The following FOXP4 variants were observed in gnomAD, a reference collection of about 807,000 sequenced individuals.
The protein encoded by FOXP4 is forkhead box protein P4.
A neutral mutation model predicts 82.6 loss-of-function variants in FOXP4; 25 were observed. The ratio of observed to expected loss-of-function variants is 0.30; its 90% CI spans 0.22 to 0.42. FOXP4 has a LOEUF of 0.42. Among genes scored for constraint, FOXP4 ranks in the 10% least tolerant of loss-of-function variants. FOXP4 has a pLI of 1.00. For synonymous variants in FOXP4, 415 were observed against 388.2 expected (o/e 1.07, Z -0.81); for missense variants, 785 against 900.9 (o/e 0.87, Z 1.65).
intron 2 of FOXP4, among the ~76,000 whole-genome samples, chr6:41,571,510 C>T (rs1376420946): frequency 6.6e-6 from 1 of 152,206 alleles, no homozygotes; most frequent in Admixed American, 6.5e-5. Context: ...GGAAGGCGTC[C>T]TGAAATCGGG....
chr6:41,584,514 A>G (rs1765982848), intron 3 of FOXP4, among the ~76,000 whole-genome samples: 1 of 152,364 alleles, frequency 6.6e-6, no homozygotes, highest in African/African-American at 2.4e-5. Context: ...TGTTTTAAGT[A>G]TTCACTGATT....
In FOXP4 at chr6:41,587,005, C is replaced by T; in HGVS notation, c.511-4C>T. 2 of 1,580,846 alleles carry T rather than the reference C, an allele frequency of 1.3e-6. No individual in the cohort carries two copies. Among genetic ancestry groups the T allele is most frequent in the South Asian group, 1.1e-5 (1 of 87,656 alleles). On this transcript the variant is annotated splice_polypyrimidine_tract_variant and splice_region_variant and intron_variant, in intron 5 of 16. Transcript: ENST00000307972. The stretch of plus-strand genomic sequence containing the variant: ...TCTGCCCGCCCCCTCGGGCCCCTCA[C>T]CAGGCACTGGGGAACAAGCAGCTGG...
At chr6:41,572,230 T>C (rs1018122920) in intron 2 of FOXP4, among the ~76,000 whole-genome samples, 3 of 152,164 alleles carry the variant, frequency 2.0e-5, no homozygotes, top group African/African-American at 7.2e-5. Flanking sequence ...CCACCTCAGA[T>C]ACTCTCCCTT....
At chr6:41,554,240 G>A (rs956931861) in intron 1 of FOXP4, among the ~76,000 whole-genome samples, 1 of 152,210 alleles carries the variant, frequency 6.6e-6, no homozygotes, top group Non-Finnish European at 1.5e-5. Context: ...TGGCCATAAG[G>A]GCTGAGGTCA....
chr6:41,549,181 C>T (rs1304991714), intron 1 of FOXP4, among the ~76,000 whole-genome samples: 1 of 152,102 alleles, frequency 6.6e-6, no homozygotes, highest in Non-Finnish European at 1.5e-5. Flanking sequence ...ACCATGGGAG[C>T]CTTCTCTCCT....
chr6:41,565,744 G>A lies in FOXP4; in HGVS notation c.-16-1G>A. On this transcript the variant is annotated splice_acceptor_variant, in intron 1 of 16. Coordinates refer to ENST00000307972, the MANE Select transcript of FOXP4 (RefSeq NM_001012426.2). LOFTEE classifies it low-confidence loss of function (5UTR_SPLICE). ...CCCCTGTGTCTCTCTTCCTCCTCCAGGTACCGCTAGAGCGACATGATGGTG... is the reference window on the plus strand; with the variant it reads ...CCCCTGTGTCTCTCTTCCTCCTCCAAGTACCGCTAGAGCGACATGATGGTG... 6.3e-7 allele frequency: 1 copy of A among 1,580,406 alleles called. No homozygotes were observed. Among genetic ancestry groups the A allele is most frequent in the Non-Finnish European group, 8.6e-7 (1 of 1,158,310 alleles).
chr6:41,555,217 C>T (rs1460581117), intron 1 of FOXP4, among the ~76,000 whole-genome samples: 1 of 152,074 alleles, frequency 6.6e-6, no homozygotes, highest in African/African-American at 2.4e-5. Flanking sequence ...CTACTGCACT[C>T]CAGTCTGAGC....
chr6:41,547,716 G>T (rs1275293917), intron 1 of FOXP4, among the ~76,000 whole-genome samples: 2 of 152,098 alleles, frequency 1.3e-5, no homozygotes, highest in Non-Finnish European at 2.9e-5. Flanking sequence ...AAGGGGGGAA[G>T]AGAGGGCGGC....
At position 41,546,605 on chromosome 6, in the gene FOXP4, G is replaced by A. The variant is rs989481671; in HGVS notation, c.-279G>A. On this transcript the variant is annotated 5_prime_UTR_variant, in exon 1 of 17. Coordinates refer to ENST00000307972, the MANE Select transcript of FOXP4 (RefSeq NM_001012426.2). ...GGGAGCCCGGGAGCCGGAGCGAGCT[G>A]ACGAGCGTCGCGGAAGGACCGGGAA... 9.8e-4 allele frequency: 145 copies of A among 148,530 alleles called. No individual in the cohort carries two copies. Among genetic ancestry groups the A allele is most frequent in the Admixed American group, 1.8e-3 (26 of 14,854 alleles). The allele number at this position is 148,530 out of a possible 1,614,324, so 9.2% of individuals were successfully genotyped here. A position where few individuals can be genotyped will look rare whatever the true frequency, so the allele number is the denominator to read the frequency against.
rs1369526923 is a variant in FOXP4, at chr6:41,591,022, G to A, written c.1435-199G>A. On this transcript the variant is annotated intron_variant, in intron 12 of 16. Transcript: ENST00000307972. This position sits in a 1 kb window ranked among gnomAD's most constrained non-coding sequence, Gnocchi z 4.2. ...GAGGCTCCTGCCCTCTTTATCCTTG[G>A]CCAAGCTATAACCAGCCTGTCCCTC... Among the ~76,000 whole-genome samples, 1 of 152,124 alleles carries A rather than the reference G, an allele frequency of 6.6e-6. No individual in the cohort carries two copies. The highest frequency in any genetic ancestry group is 1.5e-5 in the Non-Finnish European group (1 of 68,030).
Position 41,584,894 on chromosome 6 carries a change from G to A in FOXP4, c.423+3G>A. Reference sequence around the variant, plus strand: ...AGCAAGCCCTCATGCTCCAGCAGGTGAGTCTGGCCCCAGGGCAGCTGGTCC... The same window carrying A: ...AGCAAGCCCTCATGCTCCAGCAGGTAAGTCTGGCCCCAGGGCAGCTGGTCC... On this transcript the variant is annotated splice_donor_region_variant and intron_variant, in intron 4 of 16. Coordinates refer to ENST00000307972, the MANE Select transcript of FOXP4 (RefSeq NM_001012426.2). The A allele has an allele frequency of 6.2e-7, 1 of 1,608,574 alleles. No individual in the cohort carries two copies.
At chr6:41,579,014 A>G (rs781333926) in intron 3 of FOXP4, among the ~76,000 whole-genome samples, 1 of 151,842 alleles carries the variant, frequency 6.6e-6, no homozygotes, top group Non-Finnish European at 1.5e-5. Context: ...GGAAGTGAAG[A>G]GGAGGGTGGG....
At position 41,601,546 on chromosome 6, in the gene FOXP4, C is replaced by G. The variant is rs1451515797; in HGVS notation, c.*2610C>G. 2.6e-5 allele frequency: 4 copies of G among 152,272 alleles called. No homozygotes were observed. The highest frequency in any genetic ancestry group is 9.6e-5 in the African/African-American group (4 of 41,452). The allele number at this position is 152,272 out of a possible 1,614,324, so 9.4% of individuals were successfully genotyped here. On this transcript the variant is annotated 3_prime_UTR_variant, in exon 17 of 17. Transcript: ENST00000307972. ...GGAGTGCAGTGATGCTATCTCGGCT[C>G]ACTGCAACCTTTGCCTCCCAGGTTC...
chr6:41,594,731 G>C, intron 13 of FOXP4, 139 bp from the exon 14 acceptor site: 2 of 1,347,918 alleles, frequency 1.5e-6, no homozygotes, highest in South Asian at 2.7e-5. Flanking sequence ...TCTCCTCCCA[G>C]CCCACCCCCC....
intron 1 of FOXP4, among the ~76,000 whole-genome samples, chr6:41,554,009 T>C (rs1464763457): frequency 2.0e-5 from 3 of 149,854 alleles, no homozygotes; most frequent in Admixed American, 6.7e-5. Context: ...ACCTGGGAGG[T>C]TGTTGTGGCA....
chr6:41,573,054 C>T (rs1351705296), intron 2 of FOXP4, among the ~76,000 whole-genome samples: 1 of 152,202 alleles, frequency 6.6e-6, no homozygotes, highest in African/African-American at 2.4e-5. Flanking sequence ...GGTTGTGGCC[C>T]AAGCTCTTCG....
At chr6:41,582,498 G>T (rs1765858505) in intron 3 of FOXP4, among the ~76,000 whole-genome samples, 1 of 152,242 alleles carries the variant, frequency 6.6e-6, no homozygotes, top group Non-Finnish European at 1.5e-5. Flanking sequence ...AAGGTCACCT[G>T]ACCCAGAAAT....
intron 1 of FOXP4, among the ~76,000 whole-genome samples, chr6:41,556,810 A>G (rs919389147): frequency 3.9e-5 from 6 of 152,200 alleles, no homozygotes; most frequent in African/African-American, 1.4e-4. Flanking sequence ...TGTAAGACAG[A>G]AGTTCTCAAT....
chr6:41,556,354 C>T (rs1210334166), intron 1 of FOXP4, among the ~76,000 whole-genome samples: 1 of 148,260 alleles, frequency 6.7e-6, no homozygotes, highest in African/African-American at 2.5e-5. Context: ...AATGGAGTCT[C>T]GCTCTGTTGC....
Sources: gnomAD v4.1 joint callset for allele counts (sites outside exome capture counted in the v4.1 genomes callset) on GRCh38, gnomAD v4.1.1 for gene constraint, Gnocchi (gnomAD v3.1) non-coding constraint, MANE v1.5 for transcripts, NCBI Gene and HGNC (gene_info 2026-07-23, HGNC 2026-07-21) for gene names.